The following BCL2 variants were observed in gnomAD, a reference collection of about 807,000 sequenced individuals.
BCL2 encodes the protein apoptosis regulator Bcl-2.
Under a neutral mutation model 14.2 loss-of-function variants are expected in BCL2, and 1 was observed. That is an observed-to-expected ratio of 0.07 (90% CI 0.02 to 0.33). The LOEUF is 0.33. Among genes scored for constraint, BCL2 ranks in the 10% least tolerant of loss-of-function variants. The probability of loss-of-function intolerance (pLI) is 0.99; values close to 1 mark genes in which losing one functional copy is unlikely to be tolerated. For synonymous variants in BCL2, 151 were observed against 137.2 expected (o/e 1.10, Z -0.70); for missense variants, 247 against 305.9 (o/e 0.81, Z 1.44).
chr18:63,211,833 C>T (rs1910015657), intron 2 of BCL2, among the ~76,000 whole-genome samples: 1 of 152,336 alleles, frequency 6.6e-6, no homozygotes, highest in East Asian at 1.9e-4. Flanking sequence ...CAGCACCAGC[C>T]TGAAGCTCTT....
intron 2 of BCL2, among the ~76,000 whole-genome samples, chr18:63,298,078 C>T (rs1464557001): frequency 6.6e-6 from 1 of 152,120 alleles, no homozygotes; most frequent in African/African-American, 2.4e-5. Flanking sequence ...CCAGGGTGGT[C>T]GAGCAAGACA....
chr18:63,302,320 G>C, intron 2 of BCL2: 1 of 975,114 alleles, frequency 1.0e-6, no homozygotes, highest in Non-Finnish European at 1.2e-6. Context: ...AAAAAAGAGA[G>C]AGAAAGAGAG....
At chr18:63,299,967 C>A (rs1912913886) in intron 2 of BCL2, among the ~76,000 whole-genome samples, 1 of 152,080 alleles carries the variant, frequency 6.6e-6, no homozygotes, top group South Asian at 2.1e-4. Flanking sequence ...CTGTCCCCCC[C>A]AAGGCCAGAG....
chr18:63,159,084 T>G (rs1477465595), intron 2 of BCL2, among the ~76,000 whole-genome samples: 1 of 152,198 alleles, frequency 6.6e-6, no homozygotes, highest in Non-Finnish European at 1.5e-5. Flanking sequence ...TAAATACTCA[T>G]GTACCATAAA....
At position 63,124,486 on chromosome 18, in the gene BCL2, A is replaced by ACAATT. The variant is rs1913857995; in HGVS notation, c.*4138_*4139insAATTG. On this transcript the variant is annotated 3_prime_UTR_variant, in exon 3 of 3. Transcript: ENST00000333681. ...ATTTGTCACACAAGGTTCTTCGCAG[A>ACAATT]GGCATCACATCGACCCCAATACAGG... 8.6e-6 allele frequency: 2 copies of ACAATT among 231,942 alleles called. No homozygotes were observed. Among genetic ancestry groups the ACAATT allele is most frequent in the South Asian group, 3.6e-4 (2 of 5,530 alleles). The allele number at this position is 231,942 out of a possible 1,614,324, so 14.4% of individuals were successfully genotyped here. A position where few individuals can be genotyped will look rare whatever the true frequency, so the allele number is the denominator to read the frequency against.
intron 2 of BCL2, among the ~76,000 whole-genome samples, chr18:63,211,361 T>C (rs1194517550): frequency 6.6e-6 from 1 of 152,064 alleles, no homozygotes; most frequent in Non-Finnish European, 1.5e-5. Flanking sequence ...CCTGGCCATA[T>C]TTATTTCCAT....
At chr18:63,236,946 T>TTTTTC (rs1264290208) in intron 2 of BCL2, among the ~76,000 whole-genome samples, 3 of 152,288 alleles carry the variant, frequency 2.0e-5, no homozygotes, top group South Asian at 2.1e-4. Context: ...TTTTCAGGAT[T>TTTTTC]TTTTCTTTTC....
intron 2 of BCL2, among the ~76,000 whole-genome samples, chr18:63,148,126 A>G (rs1914559986): frequency 6.6e-6 from 1 of 152,172 alleles, no homozygotes; most frequent in Admixed American, 6.6e-5. Context: ...CATTTCAGAT[A>G]ACTCAAAACT....
chr18:63,198,331 C>T (rs1172351509), intron 2 of BCL2, among the ~76,000 whole-genome samples: 2 of 146,852 alleles, frequency 1.4e-5, no homozygotes, highest in African/African-American at 2.5e-5. Flanking sequence ...GACACAGAGA[C>T]ACACACACAG....
Position 63,124,992 on chromosome 18 carries a change from C to T in BCL2, c.*3633G>A, listed in dbSNP as rs1319834754. On this transcript the variant is annotated 3_prime_UTR_variant, in exon 3 of 3. Coordinates refer to ENST00000333681, the MANE Select transcript of BCL2 (RefSeq NM_000633.3). ...TAAACTATTTGTTTTAGGATAAGTT[C>T]AATTACAAATAGAGACTATTTGCAA... The T allele has an allele frequency of 1.4e-5, 3 of 221,464 alleles. No homozygotes were observed. The highest frequency in any genetic ancestry group is 6.7e-5 in the African/African-American group (3 of 44,632). 13.7% of individuals were successfully genotyped at this position (221,464 alleles called of 1,614,324 possible). A position where few individuals can be genotyped will look rare whatever the true frequency, so the allele number is the denominator to read the frequency against.
At chr18:63,239,861 T>C (rs1910948800) in intron 2 of BCL2, among the ~76,000 whole-genome samples, 4 of 152,180 alleles carry the variant, frequency 2.6e-5, no homozygotes, top group South Asian at 4.1e-4. Context: ...AGGGGTTCAA[T>C]AGGCCAAAGG....
intron 2 of BCL2, among the ~76,000 whole-genome samples, chr18:63,191,596 G>A (rs1012800873): frequency 1.3e-5 from 2 of 152,186 alleles, no homozygotes; most frequent in Non-Finnish European, 2.9e-5. Context: ...TAGCTGAGGT[G>A]GGTTTCTGGT....
intron 2 of BCL2, chr18:63,313,820 T>A (rs1008081055): frequency 3.3e-5 from 5 of 152,236 alleles, no homozygotes; most frequent in Non-Finnish European, 7.3e-5. Flanking sequence ...GCCTTTTTTT[T>A]ATTTTTAATT....
intron 2 of BCL2, among the ~76,000 whole-genome samples, chr18:63,279,166 C>G (rs1484526966): frequency 6.6e-6 from 1 of 152,130 alleles, no homozygotes; most frequent in Non-Finnish European, 1.5e-5. Context: ...CAACAAGTGC[C>G]AACCATGAAG....
intron 2 of BCL2, among the ~76,000 whole-genome samples, chr18:63,185,576 A>G (rs1263688407): frequency 6.6e-6 from 1 of 152,268 alleles, no homozygotes; most frequent in East Asian, 1.9e-4. Flanking sequence ...CATCTTACAA[A>G]GAAGAAACCA....
chr18:63,281,701 A>C (rs941872207), intron 2 of BCL2, among the ~76,000 whole-genome samples: 3 of 150,800 alleles, frequency 2.0e-5, no homozygotes, highest in Admixed American at 1.3e-4. Context: ...AGAAAGAAAG[A>C]AAGAAAGAAA....
chr18:63,187,507 A>G lies in BCL2; in HGVS notation c.586-58748T>C, dbSNP rs532750826. Among the ~76,000 whole-genome samples, 20 of 152,344 alleles carry G rather than the reference A, an allele frequency of 1.3e-4. No homozygotes were observed. The South Asian group carries it at 4.1e-3, about 32-fold the overall frequency. On this transcript the variant is annotated intron_variant, in intron 2 of 2. Transcript: ENST00000333681. Reference sequence around the variant, plus strand: ...CGTGTAGTTATCATTTCCTCTAAAAAGCCTTTCCTAAAACCAAGTTGGATG... The same window carrying G: ...CGTGTAGTTATCATTTCCTCTAAAAGGCCTTTCCTAAAACCAAGTTGGATG...
At chr18:63,284,527 AC>A (rs1454015206) in intron 2 of BCL2, among the ~76,000 whole-genome samples, 18 of 152,182 alleles carry the variant, frequency 1.2e-4, no homozygotes, top group Non-Finnish European at 2.6e-4. Flanking sequence ...AACAAGGCAG[AC>A]TTTGCCTGGC....
chr18:63,257,371 G>A (rs1911509797), intron 2 of BCL2, among the ~76,000 whole-genome samples: 1 of 152,216 alleles, frequency 6.6e-6, no homozygotes, highest in South Asian at 2.1e-4. Flanking sequence ...AAAGTATGCT[G>A]CCATCTAAAA....
Sources: gnomAD v4.1 joint callset for allele counts (sites outside exome capture counted in the v4.1 genomes callset) on GRCh38, gnomAD v4.1.1 for gene constraint, MANE v1.5 for transcripts, NCBI Gene and HGNC (gene_info 2026-07-23, HGNC 2026-07-21) for gene names.